Variants in ERAP1 observed in about 807,000 individuals in gnomAD.
The protein encoded by ERAP1 is endoplasmic reticulum aminopeptidase 1.
In ERAP1, 86 loss-of-function variants were observed where a neutral mutation model predicts 103.7. The observed-to-expected ratio is 0.83, with a 90% CI of 0.70 to 0.99. The LOEUF is 0.99. ERAP1 is among the 50% of genes least tolerant of loss of function. The probability of loss-of-function intolerance (pLI) is 0.00; values close to 1 mark genes in which losing one functional copy is unlikely to be tolerated. For missense variants in ERAP1, 1,009 were observed against 1,128.4 expected (o/e 0.89, Z 1.52); for synonymous variants, 398 against 402.4 (o/e 0.99, Z 0.13).
chr5:96,831,361 C>A, the ERAP1 span, among the ~76,000 whole-genome samples: 1 of 152,320 alleles, frequency 6.6e-6, no homozygotes, highest in East Asian at 1.9e-4. Context: ...ACCTCCAACA[C>A]TGGGGATTAC....
At chr5:96,906,731 C>A in the ERAP1 span, among the ~76,000 whole-genome samples, 1 of 152,146 alleles carries the variant, frequency 6.6e-6, no homozygotes, top group African/African-American at 2.4e-5. Context: ...TAGTCCCACA[C>A]CTTAAAGAGA....
chr5:96,851,548 GGTTT>G, the ERAP1 span, among the ~76,000 whole-genome samples: 1 of 152,142 alleles, frequency 6.6e-6, no homozygotes, highest in Middle Eastern at 3.2e-3. Flanking sequence ...GCTATTCTCT[GGTTT>G]CTTTCTTTTC....
the ERAP1 span, chr5:96,879,667 CT>C: frequency 6.2e-7 from 1 of 1,604,844 alleles, no homozygotes; most frequent in South Asian, 1.1e-5. Flanking sequence ...ATTAACTTGT[CT>C]TCTAGAGAAT....
the ERAP1 span, among the ~76,000 whole-genome samples, chr5:96,924,587 C>T: frequency 7.2e-4 from 109 of 151,668 alleles, no homozygotes; most frequent in Admixed American, 2.4e-3. Flanking sequence ...AATAACAATT[C>T]GGGCTAACAG....
chr5:96,768,135 G>A (rs747422856), intron 19 of ERAP1: 1 of 686,614 alleles, frequency 1.5e-6, no homozygotes, highest in Non-Finnish European at 2.6e-6. Flanking sequence ...CCAGGCTGGA[G>A]TGCAGTGGTG....
Position 96,775,672 on chromosome 5 carries a change from G to T in ERAP1, c.*724C>A. Reference sequence around the variant, plus strand: ...GAGGCCACTAATCCTGAAGGGATGAGGAGGGAGCAGTTACCAAAATCCAGA... The same window carrying T: ...GAGGCCACTAATCCTGAAGGGATGATGAGGGAGCAGTTACCAAAATCCAGA... On this transcript the variant is annotated 3_prime_UTR_variant, in exon 19 of 19. Coordinates refer to ENST00000443439, the MANE Select transcript of ERAP1 (RefSeq NM_001040458.3). 1 of 237,492 alleles carries T rather than the reference G, an allele frequency of 4.2e-6. No homozygotes were observed. Among genetic ancestry groups the T allele is most frequent in the Non-Finnish European group, 6.8e-6 (1 of 146,044 alleles). The allele number at this position is 237,492 out of a possible 1,614,324, so 14.7% of individuals were successfully genotyped here. A position where few individuals can be genotyped will look rare whatever the true frequency, so the allele number is the denominator to read the frequency against.
In ERAP1 at chr5:96,783,117, T is replaced by C; in HGVS notation, c.2219A>G (p.Tyr740Cys). ...QLLLLACVHN[Y>C]QPCVQRAEGY... The stretch of plus-strand genomic sequence containing the variant: ...TTCTGCCCTCTGTACGCACGGCTGA[T>C]AGTTGTGCACACAGGCGAGGAGTAG... The change falls in exon 15 of 19, where the codon TAT (tyrosine) becomes TGT (cysteine). Residue 740 changes from tyrosine (Y) to cysteine (C), a missense_variant. Transcript: ENST00000443439. The C allele has an allele frequency of 6.2e-7, 1 of 1,614,168 alleles. No homozygotes were observed. Among genetic ancestry groups the C allele is most frequent in the Non-Finnish European group, 8.5e-7 (1 of 1,180,034 alleles).
At chr5:96,816,713 T>C in the ERAP1 span, among the ~76,000 whole-genome samples, 1 of 152,188 alleles carries the variant, frequency 6.6e-6, no homozygotes. Flanking sequence ...ATCCCTCCCA[T>C]GTGGGCAAAA....
chr5:96,783,569 A>G (rs27432), intron 14 of ERAP1, among the ~76,000 whole-genome samples: 106,911 of 152,050 alleles, frequency 0.7, 37,832 homozygotes, highest in Non-Finnish European at 0.72. Flanking sequence ...TTTGCCAAGC[A>G]TAACAATTTT....
At chr5:96,874,128 A>G in the ERAP1 span, among the ~76,000 whole-genome samples, 8,010 of 126,218 alleles carry the variant, frequency 0.063, 287 homozygotes, top group Non-Finnish European at 0.095. Context: ...GAAAGAAAGA[A>G]AGAGAGAGAG....
At chr5:96,821,088 G>A in the ERAP1 span, among the ~76,000 whole-genome samples, 1 of 152,210 alleles carries the variant, frequency 6.6e-6, no homozygotes, top group Non-Finnish European at 1.5e-5. Flanking sequence ...AACCAAGGAA[G>A]AGTCAATGTT....
At chr5:96,797,130 A>C (rs755267049) in intron 4 of ERAP1, 45 bp downstream of exon 4, 9 of 1,613,480 alleles carry the variant, frequency 5.6e-6, no homozygotes, top group Non-Finnish European at 6.8e-6. Flanking sequence ...AGTTCCAAGC[A>C]AACCAGAACA....
chr5:96,889,445 A>G, the ERAP1 span: 4 of 941,968 alleles, frequency 4.2e-6, no homozygotes, highest in Non-Finnish European at 5.2e-6. Flanking sequence ...TGTTCCTCAG[A>G]GATGATTCTT....
the ERAP1 span, among the ~76,000 whole-genome samples, chr5:96,882,029 C>T: frequency 1.8e-4 from 28 of 152,144 alleles, no homozygotes; most frequent in South Asian, 1.2e-3. Context: ...TCTTCCCTTC[C>T]CCACTTGGGT....
the ERAP1 span, chr5:96,881,112 T>A: frequency 3.6e-6 from 1 of 277,486 alleles, no homozygotes; most frequent in Non-Finnish European, 7.1e-6. Flanking sequence ...AGGGATCAGA[T>A]CATGTGGAGC....
At chr5:96,863,070 C>T in the ERAP1 span, among the ~76,000 whole-genome samples, 1 of 152,094 alleles carries the variant, frequency 6.6e-6, no homozygotes, top group African/African-American at 2.4e-5. Flanking sequence ...AGTATTTCTT[C>T]TTTTGTTAGA....
the ERAP1 span, among the ~76,000 whole-genome samples, chr5:96,869,878 G>GC: frequency 6.6e-6 from 1 of 152,208 alleles, no homozygotes; most frequent in East Asian, 1.9e-4. Context: ...GGAGGGTGCT[G>GC]CCTTTTGCTG....
the ERAP1 span, among the ~76,000 whole-genome samples, chr5:96,856,116 C>T: frequency 1.3e-5 from 2 of 151,270 alleles, no homozygotes; most frequent in East Asian, 1.9e-4. Context: ...GTCAGGACTT[C>T]GAGACCAGCC....
chr5:96,933,643 A>G, the ERAP1 span, among the ~76,000 whole-genome samples: 2 of 152,206 alleles, frequency 1.3e-5, no homozygotes, highest in South Asian at 4.1e-4. Flanking sequence ...TAAAAGCATG[A>G]TAGACTGTAG....
Sources: allele counts gnomAD v4.1 joint callset (sites outside exome capture counted in the v4.1 genomes callset), GRCh38; gene constraint gnomAD v4.1.1; transcripts MANE v1.5; gene names NCBI Gene and HGNC (gene_info 2026-07-23, HGNC 2026-07-21).